The following POC1B variants were observed in gnomAD, a reference collection of about 807,000 sequenced individuals.
The protein encoded by POC1B is POC1 centriolar protein B.
Under a neutral mutation model 60.6 loss-of-function variants are expected in POC1B, and 44 were observed. That is an observed-to-expected ratio of 0.73 (90% CI 0.57 to 0.93). The LOEUF is 0.93. POC1B is among the 40% of genes least tolerant of loss of function. The pLI is 0.00. For synonymous variants in POC1B, 180 were observed against 198.9 expected (o/e 0.90, Z 0.80); for missense variants, 555 against 572.3 (o/e 0.97, Z 0.31).
intron 9 of POC1B, 25 bp downstream of exon 9, chr12:89,466,745 G>A (rs770397093): frequency 2.5e-6 from 4 of 1,587,654 alleles, no homozygotes; most frequent in African/African-American, 1.3e-5. Flanking sequence ...ACAAAATGTA[G>A]GACAAATATG....
At chr12:89,503,327 G>C (rs1869692057) in intron 2 of POC1B, among the ~76,000 whole-genome samples, 1 of 152,230 alleles carries the variant, frequency 6.6e-6, no homozygotes, top group Non-Finnish European at 1.5e-5. Context: ...GTGTTGGCCG[G>C]GCTGGTCTCC....
At chr12:89,403,012 ATT>A in the POC1B span, among the ~76,000 whole-genome samples, 2 of 139,382 alleles carry the variant, frequency 1.4e-5, no homozygotes, top group East Asian at 2.1e-4. Flanking sequence ...ACACAAACAC[ATT>A]TTTTTTTTTT....
the POC1B span, among the ~76,000 whole-genome samples, chr12:89,409,388 C>T: frequency 6.6e-6 from 1 of 152,112 alleles, no homozygotes; most frequent in South Asian, 2.1e-4. Context: ...GAATCCTTTC[C>T]CCATTACTTG....
downstream of POC1B, among the ~76,000 whole-genome samples, chr12:89,414,859 C>T (rs1015667872): frequency 5.3e-5 from 8 of 152,158 alleles, no homozygotes; most frequent in African/African-American, 1.9e-4. Flanking sequence ...TAACAGCCTC[C>T]AAGTTTGCTC....
At chr12:89,443,608 G>A (rs1881630711) in intron 10 of POC1B, among the ~76,000 whole-genome samples, 1 of 151,670 alleles carries the variant, frequency 6.6e-6, no homozygotes, top group South Asian at 2.1e-4. Context: ...AAAGCAGTGT[G>A]TAGAGGGAAA....
rs1460368910 is a variant in POC1B at position 89,437,058 on chromosome 12, T to C, written c.1114-11679A>G. Reference sequence around the variant, plus strand: ...ATGTACAATCAGTAAACAGAACTTATTGACTCTCTTCAATACCTCATGAGC... The same window carrying C: ...ATGTACAATCAGTAAACAGAACTTACTGACTCTCTTCAATACCTCATGAGC... On this transcript the variant is annotated intron_variant, in intron 10 of 11. Transcript: ENST00000313546. 3.3e-5 allele frequency among the ~76,000 whole-genome samples: 5 copies of C among 152,176 alleles called. No homozygotes were observed. In the South Asian group the frequency reaches 6.2e-4, roughly 19 times the overall value.
chr12:89,504,861 T>C (rs1053935518), intron 2 of POC1B, among the ~76,000 whole-genome samples: 1 of 152,134 alleles, frequency 6.6e-6, no homozygotes, highest in Non-Finnish European at 1.5e-5. Context: ...TCCCAGCAAT[T>C]TGAGACGCCA....
At chr12:89,448,133 T>A (rs755669988) in intron 10 of POC1B, among the ~76,000 whole-genome samples, 10 of 152,154 alleles carry the variant, frequency 6.6e-5, no homozygotes, top group Non-Finnish European at 1.3e-4. Context: ...CAGGAAAGCA[T>A]AGCTGTGTTT....
chr12:89,438,973 G>T (rs1171948214), intron 10 of POC1B, among the ~76,000 whole-genome samples: 3 of 152,158 alleles, frequency 2.0e-5, no homozygotes, highest in Non-Finnish European at 4.4e-5. Flanking sequence ...CTACTTCAAT[G>T]AATGGCACAT....
intron 2 of POC1B, among the ~76,000 whole-genome samples, chr12:89,514,092 T>C (rs1393179868): frequency 1.3e-5 from 2 of 152,192 alleles, no homozygotes; most frequent in African/African-American, 4.8e-5. Flanking sequence ...AAATCTCATG[T>C]TGAATTGTAA....
intron 4 of POC1B, among the ~76,000 whole-genome samples, chr12:89,487,936 T>G (rs966451739): frequency 1.5e-5 from 1 of 64,690 alleles, no homozygotes; most frequent in African/African-American, 6.0e-5. Context: ...ATTTTATAAC[T>G]ATTTAGTATC....
chr12:89,423,767 A>G (rs1383830419), intron 11 of POC1B, among the ~76,000 whole-genome samples: 1 of 152,218 alleles, frequency 6.6e-6, no homozygotes, highest in Non-Finnish European at 1.5e-5. Flanking sequence ...AAAATTAAAA[A>G]TCATAGAGAA....
chr12:89,478,493 A>G (rs1457314429), intron 4 of POC1B, among the ~76,000 whole-genome samples: 1 of 152,084 alleles, frequency 6.6e-6, no homozygotes, highest in Non-Finnish European at 1.5e-5. Flanking sequence ...GGCAACTCAC[A>G]TCTGTCTCAC....
intron 9 of POC1B, chr12:89,461,743 A>G (rs747952094): frequency 1.1e-4 from 16 of 152,192 alleles, no homozygotes; most frequent in Non-Finnish European, 1.9e-4. Context: ...AAAGCTGTGC[A>G]TGGTAAGGAT....
intron 2 of POC1B, among the ~76,000 whole-genome samples, chr12:89,504,094 A>G (rs373788925): frequency 1.8e-5 from 2 of 113,250 alleles, no homozygotes; most frequent in Admixed American, 8.8e-5. Context: ...CCACCACCCC[A>G]TCTGGGAGGT....
rs2120642451 is a variant in POC1B at position 89,423,448 on chromosome 12, T to C, written c.1332+1713A>G. Among the ~76,000 whole-genome samples the C allele has an allele frequency of 2.6e-5, 4 of 152,314 alleles. 1 individual carries two copies. In the South Asian group the frequency reaches 8.3e-4, roughly 32 times the overall value. On this transcript the variant is annotated intron_variant, in intron 11 of 11. Transcript: ENST00000313546. Reference sequence around the variant, plus strand: ...CCATTGTGCCCAGCCCTTCAGACACTTTTATACATTATCACAGTTCCAAAT... The same window carrying C: ...CCATTGTGCCCAGCCCTTCAGACACCTTTATACATTATCACAGTTCCAAAT...
chr12:89,458,491 T>C (rs1882345231), intron 10 of POC1B, among the ~76,000 whole-genome samples: 1 of 152,158 alleles, frequency 6.6e-6, no homozygotes, highest in Non-Finnish European at 1.5e-5. Flanking sequence ...AACCATCAGC[T>C]CATTGGTTAC....
chr12:89,495,272 A>G (rs1433785134), intron 3 of POC1B, among the ~76,000 whole-genome samples: 3 of 152,210 alleles, frequency 2.0e-5, no homozygotes, highest in African/African-American at 7.2e-5. Flanking sequence ...TGTGCAGAAG[A>G]TAGTAAAAAA....
At chr12:89,500,487 A>G in intron 2 of POC1B, 1 of 1,590,464 alleles carries the variant, frequency 6.3e-7, no homozygotes. Flanking sequence ...AATACACCTG[A>G]CTTGAAAAAA....
Sources: gnomAD v4.1 joint callset for allele counts (sites outside exome capture counted in the v4.1 genomes callset) on GRCh38, gnomAD v4.1.1 for gene constraint, MANE v1.5 for transcripts, NCBI Gene and HGNC (gene_info 2026-07-23, HGNC 2026-07-21) for gene names.